The following FAR2 variants were observed in gnomAD, a reference collection of about 807,000 sequenced individuals.
The protein encoded by FAR2 is fatty acyl-CoA reductase 2.
Under a neutral mutation model 56.0 loss-of-function variants are expected in FAR2, and 19 were observed. The ratio of observed to expected loss-of-function variants is 0.34; its 90% CI spans 0.24 to 0.50. FAR2 has a LOEUF of 0.50. Among genes scored for constraint, FAR2 ranks in the 20% least tolerant of loss-of-function variants. FAR2 has a pLI of 0.98. For missense variants in FAR2, 508 were observed against 642.2 expected (o/e 0.79, Z 2.26); for synonymous variants, 219 against 218.8 (o/e 1.00, Z -0.01).
intron 8 of FAR2, 82 bp from the exon 9 acceptor site, chr12:29,316,759 T>C: frequency 1.5e-6 from 2 of 1,343,052 alleles, no homozygotes; most frequent in Non-Finnish European, 2.1e-6. Context: ...CTTTATTGTT[T>C]TGACCCATTA....
chr12:29,211,989 G>A (rs1199405592), intron 1 of FAR2, among the ~76,000 whole-genome samples: 3 of 151,164 alleles, frequency 2.0e-5, no homozygotes, highest in Non-Finnish European at 4.4e-5. Context: ...AATACCAGAA[G>A]CTAGGAGAGA....
intron 1 of FAR2, among the ~76,000 whole-genome samples, chr12:29,150,019 G>C (rs1949669640): frequency 6.6e-6 from 1 of 152,196 alleles, no homozygotes; most frequent in South Asian, 2.1e-4. Flanking sequence ...GCGCGCTGGG[G>C]CGACTGGTGA....
intron 1 of FAR2, among the ~76,000 whole-genome samples, chr12:29,250,401 T>C (rs993489284): frequency 2.6e-5 from 4 of 152,184 alleles, no homozygotes; most frequent in African/African-American, 7.2e-5. Context: ...AAGAGAAAAC[T>C]GAATCTCAGA....
chr12:29,211,666 TTCATAGCTGTAGAAAAA>T (rs1358891499), intron 1 of FAR2, among the ~76,000 whole-genome samples: 3 of 151,988 alleles, frequency 2.0e-5, no homozygotes, highest in Non-Finnish European at 4.4e-5. Flanking sequence ...TCCCTGTAAC[TTCATAGCTGTAGAAAAA>T]TCATAGCTGC....
intron 2 of FAR2, chr12:29,280,505 T>C (rs566123494): frequency 1.3e-5 from 2 of 152,362 alleles, no homozygotes; most frequent in Non-Finnish European, 2.9e-5. Flanking sequence ...GTCCTAGGTT[T>C]CACCAGTCTG....
intron 1 of FAR2, among the ~76,000 whole-genome samples, chr12:29,164,621 T>C (rs564881535): frequency 6.6e-6 from 1 of 152,128 alleles, no homozygotes; most frequent in East Asian, 1.9e-4. Flanking sequence ...TATCTAAGGC[T>C]AAGAAGAGGG....
At chr12:29,330,269 C>T (rs955508265) in intron 10 of FAR2, among the ~76,000 whole-genome samples, 22 of 152,046 alleles carry the variant, frequency 1.4e-4, no homozygotes, top group Admixed American at 1.1e-3. Flanking sequence ...ATTGGTCAGG[C>T]GGGTCTTGAA....
intron 1 of FAR2, among the ~76,000 whole-genome samples, chr12:29,232,758 C>T (rs1399705834): frequency 6.6e-6 from 1 of 151,738 alleles, no homozygotes; most frequent in African/African-American, 2.4e-5. Flanking sequence ...CTCTTCATTG[C>T]AAATCCTGCC....
chr12:29,158,806 A>G (rs1949753617), intron 1 of FAR2, among the ~76,000 whole-genome samples: 2 of 152,220 alleles, frequency 1.3e-5, no homozygotes, highest in African/African-American at 2.4e-5. Flanking sequence ...TACCATATCT[A>G]TATTTGGTTC....
intron 1 of FAR2, among the ~76,000 whole-genome samples, chr12:29,200,464 A>G (rs147479281): frequency 6.6e-6 from 1 of 152,200 alleles, no homozygotes; most frequent in Non-Finnish European, 1.5e-5. Context: ...AGTATTCGAC[A>G]ATCAGTCTTC....
intron 1 of FAR2, among the ~76,000 whole-genome samples, chr12:29,174,302 T>G (rs1206223779): frequency 3.9e-5 from 6 of 152,096 alleles, no homozygotes; most frequent in Admixed American, 3.9e-4. Context: ...GCAAAAAATA[T>G]GTCTTTCTGA....
intron 1 of FAR2, among the ~76,000 whole-genome samples, chr12:29,234,098 C>T (rs1947898640): frequency 6.6e-6 from 1 of 152,138 alleles, no homozygotes; most frequent in Admixed American, 6.6e-5. Context: ...TCTTCCTCTT[C>T]GATCTGTCCC....
chr12:29,186,755 A>AT (rs1481530321), intron 1 of FAR2, among the ~76,000 whole-genome samples: 479 of 46,366 alleles, frequency 0.01, 4 homozygotes, highest in African/African-American at 0.018. Flanking sequence ...TTCTTTATTT[A>AT]TTATTTATTT....
intron 1 of FAR2, among the ~76,000 whole-genome samples, chr12:29,263,785 A>G (rs1476046943): frequency 6.6e-6 from 1 of 151,770 alleles, no homozygotes; most frequent in Non-Finnish European, 1.5e-5. Flanking sequence ...GCATAGACCA[A>G]TAACAAGTAA....
intron 1 of FAR2, among the ~76,000 whole-genome samples, chr12:29,234,665 T>G (rs576994738): frequency 3.3e-4 from 50 of 152,278 alleles, no homozygotes; most frequent in Admixed American, 1.2e-3. Context: ...ACTCTTAACC[T>G]TCAGGATAAA....
intron 1 of FAR2, among the ~76,000 whole-genome samples, chr12:29,246,030 T>C (rs1948122810): frequency 6.6e-6 from 1 of 151,530 alleles, no homozygotes; most frequent in African/African-American, 2.4e-5. Flanking sequence ...ATACATAATA[T>C]GCTATATATA....
chr12:29,223,458 A>G (rs1035999179), intron 1 of FAR2, among the ~76,000 whole-genome samples: 3 of 152,302 alleles, frequency 2.0e-5, no homozygotes, highest in African/African-American at 7.2e-5. Context: ...CAGGTCATCA[A>G]TAATTTTTGT....
intron 1 of FAR2, among the ~76,000 whole-genome samples, chr12:29,256,716 T>G (rs1170610143): frequency 1.3e-5 from 2 of 152,118 alleles, no homozygotes; most frequent in South Asian, 2.1e-4. Context: ...GGGCGTGGGC[T>G]TGGCGGGCCC....
chr12:29,282,209 A>T (rs778387449), intron 2 of FAR2: 2 of 152,190 alleles, frequency 1.3e-5, no homozygotes, highest in Non-Finnish European at 2.9e-5. Context: ...CTGATTGGAA[A>T]AGTGTCAAGC....
Sources: allele counts gnomAD v4.1 joint callset (sites outside exome capture counted in the v4.1 genomes callset), GRCh38; gene constraint gnomAD v4.1.1; transcripts MANE v1.5; gene names NCBI Gene and HGNC (gene_info 2026-07-23, HGNC 2026-07-21).